Variants in EEPD1 observed in about 807,000 individuals in gnomAD.
The protein encoded by EEPD1 is endonuclease/exonuclease/phosphatase family domain-containing protein 1.
Under a neutral mutation model 46.3 loss-of-function variants are expected in EEPD1, and 17 were observed. The ratio of observed to expected loss-of-function variants is 0.37; its 90% CI spans 0.25 to 0.55. The LOEUF (loss-of-function observed/expected upper bound fraction) is 0.55. Among genes scored for constraint, EEPD1 ranks in the 20% least tolerant of loss-of-function variants. The pLI is 0.83. For missense variants in EEPD1, 673 were observed against 745.6 expected, an observed-to-expected ratio of 0.90 and a Z score of 1.13; for synonymous variants, 313 against 315.6, an observed-to-expected ratio of 0.99 and a Z score of 0.09.
chr7:36,227,122 G>C (rs2115757303), intron 2 of EEPD1, among the ~76,000 whole-genome samples: 1 of 152,246 alleles, frequency 6.6e-6, no homozygotes, highest in Non-Finnish European at 1.5e-5. Context: ...AGTTTAAAGT[G>C]ATTACTTGTA....
intron 3 of EEPD1, among the ~76,000 whole-genome samples, chr7:36,265,253 C>G (rs1035618292): frequency 6.6e-6 from 1 of 152,170 alleles, no homozygotes; most frequent in African/African-American, 2.4e-5. Context: ...CTGGGAAGTT[C>G]TGGGAGCCTG....
chr7:36,248,994 A>AACACACACACACAC (rs71553052), intron 3 of EEPD1, among the ~76,000 whole-genome samples: 10,942 of 135,206 alleles, frequency 0.081, 549 homozygotes, highest in Non-Finnish European at 0.087. Context: ...TGGTTCATTA[A>AACACACACACACAC]ACACACACAC....
intron 2 of EEPD1, among the ~76,000 whole-genome samples, chr7:36,226,242 T>C (rs1786229791): frequency 6.6e-6 from 1 of 152,218 alleles, no homozygotes; most frequent in African/African-American, 2.4e-5. Context: ...CAGTCTTTAT[T>C]CTAATCCTCA....
chr7:36,214,966 C>A (rs4723496), intron 2 of EEPD1, among the ~76,000 whole-genome samples: 17,615 of 152,150 alleles, frequency 0.12, 1,065 homozygotes, highest in East Asian at 0.22. Context: ...GCTTTCCAGG[C>A]TTGACTCTGA....
At chr7:36,219,031 A>C (rs934170351) in intron 2 of EEPD1, among the ~76,000 whole-genome samples, 29 of 152,168 alleles carry the variant, frequency 1.9e-4, no homozygotes, top group African/African-American at 7.0e-4. Context: ...GTCTGTAGGA[A>C]GTTCCCTGCA....
At chr7:36,213,855 T>C (rs571630360) in intron 2 of EEPD1, among the ~76,000 whole-genome samples, 1 of 152,240 alleles carries the variant, frequency 6.6e-6, no homozygotes, top group East Asian at 1.9e-4. Context: ...GCAGGGTCTG[T>C]CTTGTCCTCT....
rs190374112 is a variant in EEPD1, at chr7:36,164,176, C to T, written c.878+8974C>T. ...TGACTTTTCTGTCTTTTATAATTGT[C>T]TTAACCACACTTATTTTGACAGCAA... On this transcript the variant is annotated intron_variant, in intron 2 of 7. Coordinates refer to ENST00000242108, the MANE Select transcript of EEPD1 (RefSeq NM_030636.3). Among the ~76,000 whole-genome samples the T allele has an allele frequency of 1.3e-3, 201 of 152,306 alleles. 1 individual carries two copies. Among genetic ancestry groups the T allele is most frequent in the Non-Finnish European group, 1.5e-3 (105 of 68,010 alleles).
chr7:36,203,708 C>G (rs1174292601), intron 2 of EEPD1, among the ~76,000 whole-genome samples: 1 of 152,076 alleles, frequency 6.6e-6, no homozygotes. Flanking sequence ...GGCAGTGGGC[C>G]GAAAGTTGCC....
At chr7:36,277,183 G>A (rs1787194160) in intron 3 of EEPD1, among the ~76,000 whole-genome samples, 1 of 152,246 alleles carries the variant, frequency 6.6e-6, no homozygotes, top group African/African-American at 2.4e-5. Context: ...AATCTGCCCT[G>A]CCTCCCCTGT....
intron 2 of EEPD1, among the ~76,000 whole-genome samples, chr7:36,233,786 G>A (rs948398835): frequency 5.3e-5 from 8 of 152,202 alleles, no homozygotes; most frequent in African/African-American, 1.7e-4. Context: ...AACAACAAAC[G>A]CAAACCTGCC....
intron 2 of EEPD1, among the ~76,000 whole-genome samples, chr7:36,190,225 A>G (rs1175870136): frequency 6.6e-6 from 1 of 152,192 alleles, no homozygotes; most frequent in East Asian, 1.9e-4. Flanking sequence ...TTTTAAAGTT[A>G]GCTGGGCATG....
intron 2 of EEPD1, among the ~76,000 whole-genome samples, chr7:36,158,178 AT>A (rs1191260367): frequency 6.6e-6 from 1 of 152,216 alleles, no homozygotes; most frequent in Non-Finnish European, 1.5e-5. Context: ...ACATGACTCT[AT>A]CAGGCAGCTC....
At chr7:36,185,248 A>G (rs756618369) in intron 2 of EEPD1, among the ~76,000 whole-genome samples, 1 of 152,226 alleles carries the variant, frequency 6.6e-6, no homozygotes, top group Non-Finnish European at 1.5e-5. Flanking sequence ...ATAGCATGCC[A>G]TGTGTTCATC....
At chr7:36,296,014 G>A (rs1787518847) in intron 6 of EEPD1, among the ~76,000 whole-genome samples, 1 of 122,492 alleles carries the variant, frequency 8.2e-6, no homozygotes. Flanking sequence ...CCGGCCAACA[G>A]AGTGAGACTG....
chr7:36,281,128 T>C lies in EEPD1; in HGVS notation c.944T>C (p.Leu315Pro), dbSNP rs760071110. 1.2e-6 allele frequency: 2 copies of C among 1,614,084 alleles called. No homozygotes were observed. Among genetic ancestry groups the C allele is most frequent in the Non-Finnish European group, 1.7e-6 (2 of 1,180,026 alleles). Residue 315 changes from leucine (L) to proline (P), a missense_variant, in exon 4 of 8, where the codon CTA (leucine) becomes CCA (proline). Leu to Pro is a moderately conservative substitution (Grantham distance 98). Transcript: ENST00000242108. ...REALEKFCTE[L>P]NQPTLPNIRK... is the part of the protein sequence containing the mutation. ...CTGTCTTTGCAGTTCTGCACGGAGC[T>C]AAACCAGCCGACCCTGCCCAACATC...
intron 3 of EEPD1, among the ~76,000 whole-genome samples, chr7:36,268,433 A>G (rs1182301587): frequency 6.6e-6 from 1 of 152,194 alleles, no homozygotes; most frequent in Non-Finnish European, 1.5e-5. Context: ...TGCTGGGATT[A>G]CAGGCATGAG....
intron 2 of EEPD1, among the ~76,000 whole-genome samples, chr7:36,197,401 G>A (rs1476660741): frequency 2.6e-5 from 4 of 152,214 alleles, no homozygotes; most frequent in African/African-American, 7.2e-5. Flanking sequence ...CCACCACCCC[G>A]TCTGGGAGGT....
intron 2 of EEPD1, among the ~76,000 whole-genome samples, chr7:36,197,677 G>A (rs1177229679): frequency 6.6e-6 from 1 of 152,020 alleles, no homozygotes; most frequent in Non-Finnish European, 1.5e-5. Context: ...ATTAAGGGCG[G>A]TGCAAGATGT....
chr7:36,231,620 T>C (rs1416407333), intron 2 of EEPD1, among the ~76,000 whole-genome samples: 3 of 152,308 alleles, frequency 2.0e-5, no homozygotes, highest in East Asian at 3.9e-4. Flanking sequence ...CGGGCCCTTG[T>C]GGAGGGCAGG....
Sources: allele counts gnomAD v4.1 joint callset (sites outside exome capture counted in the v4.1 genomes callset), GRCh38; gene constraint gnomAD v4.1.1; transcripts MANE v1.5; gene names NCBI Gene and HGNC (gene_info 2026-07-23, HGNC 2026-07-21).